The following UBR3 variants were observed in gnomAD, a reference collection of about 807,000 sequenced individuals.
The protein encoded by UBR3 is ubiquitin protein ligase E3 component n-recognin 3, also known as E3 ubiquitin-protein ligase UBR3.
UBR3 carries 85 observed loss-of-function variants against 243.2 expected under a neutral mutation model. The ratio of observed to expected loss-of-function variants is 0.35; its 90% CI spans 0.29 to 0.42. The LOEUF (loss-of-function observed/expected upper bound fraction) is 0.42, where lower values mean the gene tolerates loss of function less well. UBR3 is among the 10% of genes least tolerant of loss of function. The probability of loss-of-function intolerance (pLI) is 1.00; values close to 1 mark genes in which losing one functional copy is unlikely to be tolerated. For synonymous variants in UBR3, 748 were observed against 799.8 expected, an observed-to-expected ratio of 0.94 and a Z score of 1.09; for missense variants, 1,686 against 2,300.8, an observed-to-expected ratio of 0.73 and a Z score of 5.47.
chr2:169,902,852 C>T (rs1479957914), intron 8 of UBR3, among the ~76,000 whole-genome samples: 8 of 152,136 alleles, frequency 5.3e-5, no homozygotes, highest in Non-Finnish European at 1.0e-4. Flanking sequence ...TCAGGTGATT[C>T]GCCCATTTTG....
At chr2:169,932,798 A>G (rs1220329837) in intron 18 of UBR3, 114 bp from the exon 19 acceptor site, 4 of 871,914 alleles carry the variant, frequency 4.6e-6, no homozygotes, top group African/African-American at 1.8e-5. Flanking sequence ...TACTATAATC[A>G]GATTAAATTG....
chr2:170,046,690 A>G (rs1251161346), intron 32 of UBR3, among the ~76,000 whole-genome samples: 1 of 152,198 alleles, frequency 6.6e-6, no homozygotes, highest in East Asian at 1.9e-4. Flanking sequence ...TTCATTTCTT[A>G]AGTGGAATTC....
intron 5 of UBR3, among the ~76,000 whole-genome samples, chr2:169,890,528 G>GAC (rs2084288723): frequency 1.8e-5 from 1 of 55,272 alleles, no homozygotes; most frequent in African/African-American, 9.4e-5. Flanking sequence ...TTTTCTAGGA[G>GAC]AGAGAGAGAG....
chr2:170,015,265 A>G lies in UBR3; in HGVS notation c.4368-16A>G. 6.3e-7 allele frequency: 1 copy of G among 1,597,084 alleles called. No homozygotes were observed. The highest frequency in any genetic ancestry group is 8.6e-7 in the Non-Finnish European group (1 of 1,167,776). ...ATCTTCAGTTTAATGACTGAGATATAATGTTTTACTTACAGAACCAATTTA... is the reference window on the plus strand; with the variant it reads ...ATCTTCAGTTTAATGACTGAGATATGATGTTTTACTTACAGAACCAATTTA... On this transcript the variant is annotated splice_polypyrimidine_tract_variant and intron_variant, in intron 29 of 38. Coordinates refer to ENST00000272793, the MANE Select transcript of UBR3 (RefSeq NM_172070.4).
intron 25 of UBR3, among the ~76,000 whole-genome samples, chr2:169,988,933 C>CT (rs1451383108): frequency 6.6e-6 from 1 of 152,094 alleles, no homozygotes; most frequent in Non-Finnish European, 1.5e-5. Flanking sequence ...TACTTTCCCC[C>CT]TTTTACCCCT....
chr2:169,926,810 AAT>A (rs1424358168), intron 15 of UBR3, 26 bp from the exon 16 acceptor site: 1 of 1,545,380 alleles, frequency 6.5e-7, no homozygotes. Context: ...AATTTATAAA[AAT>A]ATGTTTCAAA....
chr2:170,080,817 T>G, intron 38 of UBR3, 133 bp downstream of exon 38: 1 of 1,025,594 alleles, frequency 9.8e-7, no homozygotes, highest in South Asian at 1.9e-5. Flanking sequence ...TTAGAGCTAT[T>G]TCTAGTTTTT....
chr2:169,876,113 T>C (rs2105312564), intron 3 of UBR3, among the ~76,000 whole-genome samples, 164 bp downstream of exon 3: 1 of 150,030 alleles, frequency 6.7e-6, no homozygotes, highest in East Asian at 2.0e-4. Context: ...AGACGGAGTC[T>C]AGCTCTGTCG....
intron 1 of UBR3, among the ~76,000 whole-genome samples, chr2:169,853,193 C>T (rs555283459): frequency 1.4e-4 from 21 of 152,216 alleles, no homozygotes; most frequent in South Asian, 4.1e-4. Flanking sequence ...AGCTGCAATA[C>T]GGAACCCAGG....
At chr2:170,003,249 C>CT (rs756076378) in intron 27 of UBR3, among the ~76,000 whole-genome samples, 2 of 152,146 alleles carry the variant, frequency 1.3e-5, no homozygotes, top group Non-Finnish European at 2.9e-5. Context: ...ATTGAGCTTT[C>CT]TAAAATTTAA....
rs2105388236 is a variant in UBR3, at chr2:169,986,704, G to A, written c.3694G>A (p.Ala1232Thr). Residue 1232 changes from alanine (A) to threonine (T), a missense_variant, in exon 25 of 39, where the codon GCA becomes ACA. Around this residue, in one of 8 missense-constraint regions of UBR3, gnomAD observed 156 missense variants for 246.3 expected, o/e 0.63. Coordinates refer to ENST00000272793, the MANE Select transcript of UBR3 (RefSeq NM_172070.4). ...CACGGCAGAACCACAGGTTTCCGAG[G>A]CAGTATATGACTGTGTTATTTGTGG... ...ITTAEPQVSE[A>T]VYDCVICGQS... The A allele has an allele frequency of 6.2e-7, 1 of 1,613,900 alleles. No individual in the cohort carries two copies. Among genetic ancestry groups the A allele is most frequent in the East Asian group, 2.2e-5 (1 of 44,856 alleles).
At chr2:170,015,639 G>A (rs1188358495) in intron 30 of UBR3, among the ~76,000 whole-genome samples, 2 of 151,700 alleles carry the variant, frequency 1.3e-5, no homozygotes, top group Non-Finnish European at 3.0e-5. Flanking sequence ...ATAAAAAATT[G>A]TTCTTAAACT....
chr2:170,070,655 A>G (rs966022321), intron 35 of UBR3, among the ~76,000 whole-genome samples: 3 of 152,174 alleles, frequency 2.0e-5, no homozygotes, highest in Admixed American at 1.3e-4. Flanking sequence ...TAGATGTACA[A>G]AAATTTCACT....
chr2:170,042,910 T>G (rs1049979969), intron 32 of UBR3, among the ~76,000 whole-genome samples: 8 of 152,062 alleles, frequency 5.3e-5, no homozygotes, highest in Non-Finnish European at 1.2e-4. Context: ...TAAAAACCTG[T>G]TAAGTAGTCT....
At chr2:170,032,351 CT>C (rs1424641818) in intron 31 of UBR3, among the ~76,000 whole-genome samples, 1 of 151,990 alleles carries the variant, frequency 6.6e-6, no homozygotes, top group Non-Finnish European at 1.5e-5. Context: ...GAATCATAGT[CT>C]TTATAATAAA....
intron 20 of UBR3, among the ~76,000 whole-genome samples, chr2:169,944,548 A>G (rs2086714172): frequency 1.3e-5 from 2 of 152,320 alleles, no homozygotes; most frequent in Non-Finnish European, 1.5e-5. Flanking sequence ...TGATTTTACT[A>G]CTAGTAATAA....
intron 36 of UBR3, among the ~76,000 whole-genome samples, chr2:170,074,764 T>C (rs6719058): frequency 0.44 from 66,207 of 151,790 alleles, 15,546 homozygotes; most frequent in Non-Finnish European, 0.54. Context: ...TCTGTTGTTC[T>C]ATAAGGCTGT....
intron 24 of UBR3, among the ~76,000 whole-genome samples, chr2:169,971,310 G>C (rs2088131262): frequency 6.6e-6 from 1 of 151,526 alleles, no homozygotes; most frequent in African/African-American, 2.4e-5. Flanking sequence ...CTTTTGCTGT[G>C]CAGAAGCTCT....
chr2:169,884,019 G>C (rs1240116349), intron 5 of UBR3, among the ~76,000 whole-genome samples: 3 of 151,924 alleles, frequency 2.0e-5, no homozygotes, highest in Non-Finnish European at 4.4e-5. Flanking sequence ...TTTTAGTAGA[G>C]ATGGGGTTTT....
Sources: gnomAD v4.1 joint callset for allele counts (sites outside exome capture counted in the v4.1 genomes callset) on GRCh38, gnomAD v4.1.1 for gene constraint, gnomAD v4.1.1 regional missense constraint, MANE v1.5 for transcripts, NCBI Gene and HGNC (gene_info 2026-07-23, HGNC 2026-07-21) for gene names.